BAIAP2L2: variants seen among roughly 807,000 people sequenced by gnomAD.
The protein encoded by BAIAP2L2 is BAR/IMD domain-containing adapter protein 2-like 2.
In BAIAP2L2, 65 loss-of-function variants were observed where a neutral mutation model predicts 60.4. The ratio of observed to expected loss-of-function variants is 1.08; its 90% CI spans 0.88 to 1.32. BAIAP2L2 has a LOEUF of 1.32. BAIAP2L2 is among the 40% of genes most tolerant of loss of function. BAIAP2L2 has a pLI of 0.00. For missense variants in BAIAP2L2, 836 were observed against 741.2 expected, an observed-to-expected ratio of 1.13 and a Z score of -1.48; for synonymous variants, 344 against 301.7, an observed-to-expected ratio of 1.14 and a Z score of -1.45.
At chr22:38,096,938 A>G in intron 7 of BAIAP2L2, 94 bp downstream of exon 7, 1 of 1,361,840 alleles carries the variant, frequency 7.3e-7, no homozygotes, top group Non-Finnish European at 1.0e-6. Flanking sequence ...CAGGGAGGGA[A>G]GAGGGAAGAA....
At chr22:38,108,006 C>T in intron 3 of BAIAP2L2, 93 bp from the exon 4 acceptor site, 1 of 1,368,360 alleles carries the variant, frequency 7.3e-7, no homozygotes, top group Non-Finnish European at 1.0e-6. Flanking sequence ...AGAGGGCCTG[C>T]CCGAGACTGG....
intron 4 of BAIAP2L2, among the ~76,000 whole-genome samples, chr22:38,103,825 T>C (rs1354982817): frequency 6.7e-6 from 1 of 148,660 alleles, no homozygotes; most frequent in African/African-American, 2.5e-5. Flanking sequence ...ATTGCATCAC[T>C]GTACTCCAGC....
chr22:38,089,688 G>A lies in BAIAP2L2; in HGVS notation c.613-14C>T. On this transcript the variant is annotated splice_polypyrimidine_tract_variant and intron_variant, in intron 7 of 13. Transcript: ENST00000381669. ...CATCCCCCGGGCCTGGCCGGGCGGG[G>A]ACACGGGGGTCAGCCAGGTCCGGGC... The A allele has an allele frequency of 2.4e-6, 3 of 1,229,566 alleles. No individual in the cohort carries two copies. The highest frequency in any genetic ancestry group is 4.1e-5 in the South Asian group (1 of 24,310). 76.2% of individuals were successfully genotyped at this position (1,229,566 alleles called of 1,614,324 possible). A position where few individuals can be genotyped will look rare whatever the true frequency, so the allele number is the denominator to read the frequency against.
chr22:38,089,087 G>A lies in BAIAP2L2; in HGVS notation c.901+9C>T, dbSNP rs2086195398. On this transcript the variant is annotated intron_variant, in intron 9 of 13. Coordinates refer to ENST00000381669, the MANE Select transcript of BAIAP2L2 (RefSeq NM_025045.6). ...GGCCCTCCTGCCGCCCCGGGGCGGG[G>A]GCACTCACAGGCCGACGGCGTGCGG... 1.4e-6 allele frequency: 2 copies of A among 1,379,502 alleles called. No individual in the cohort carries two copies. The highest frequency in any genetic ancestry group is 1.9e-6 in the Non-Finnish European group (2 of 1,072,730). The allele number at this position is 1,379,502 out of a possible 1,614,324, so 85.5% of individuals were successfully genotyped here. A position where few individuals can be genotyped will look rare whatever the true frequency, so the allele number is the denominator to read the frequency against.
intron 10 of BAIAP2L2, among the ~76,000 whole-genome samples, chr22:38,088,435 C>T (rs540908465): frequency 6.6e-6 from 1 of 152,344 alleles, no homozygotes; most frequent in South Asian, 2.1e-4. Flanking sequence ...CAGCCTCCTC[C>T]CAGAGGCAGG....
At chr22:38,097,747 G>A (rs2086471571) in intron 6 of BAIAP2L2, among the ~76,000 whole-genome samples, 2 of 151,984 alleles carry the variant, frequency 1.3e-5, no homozygotes, top group Non-Finnish European at 1.5e-5. Context: ...GACACCTTTG[G>A]CACCATGTTC....
At chr22:38,091,174 C>T (rs1232328016) in intron 7 of BAIAP2L2, 11 of 152,296 alleles carry the variant, frequency 7.2e-5, no homozygotes, top group Admixed American at 5.9e-4. Flanking sequence ...TATTCTGCCT[C>T]AGCTTCCCAA....
rs911461357 is a variant in BAIAP2L2, at chr22:38,086,468, G to A, written c.1260-19C>T. On this transcript the variant is annotated intron_variant, in intron 11 of 13. Transcript: ENST00000381669. ...GTAGGACCTAAGTCCAGAGAAAGGA[G>A]GGGGAAGGAAAGGGGTTGGGGCCTG... 14 of 1,478,652 alleles carry A rather than the reference G, an allele frequency of 9.5e-6. No homozygotes were observed. Among genetic ancestry groups the A allele is most frequent in the Middle Eastern group, 1.9e-4 (1 of 5,358 alleles). The allele number at this position is 1,478,652 out of a possible 1,614,324, so 91.6% of individuals were successfully genotyped here.
At chr22:38,109,304 C>A in intron 1 of BAIAP2L2, 96 bp from the exon 2 acceptor site, 2 of 967,392 alleles carry the variant, frequency 2.1e-6, no homozygotes, top group Non-Finnish European at 3.2e-6. Flanking sequence ...AGGGACAGGG[C>A]ACCCCCAGCC....
chr22:38,097,219 G>C, intron 6 of BAIAP2L2, 41 bp from the exon 7 acceptor site: 1 of 1,599,496 alleles, frequency 6.3e-7, no homozygotes, highest in Non-Finnish European at 8.5e-7. Flanking sequence ...CGGTGGGTGT[G>C]TCTCATCCCA....
At chr22:38,101,273 C>T (rs961268386) in intron 4 of BAIAP2L2, among the ~76,000 whole-genome samples, 1 of 149,252 alleles carries the variant, frequency 6.7e-6, no homozygotes, top group African/African-American at 2.5e-5. Flanking sequence ...TGGCTCACAC[C>T]TGTAATTCCA....
chr22:38,088,428 C>T (rs1367145194), intron 10 of BAIAP2L2, among the ~76,000 whole-genome samples: 1 of 152,238 alleles, frequency 6.6e-6, no homozygotes, highest in Non-Finnish European at 1.5e-5. Flanking sequence ...GGGGAAGCAG[C>T]CTCCTCCCAG....
At chr22:38,108,016 G>C in intron 3 of BAIAP2L2, 103 bp from the exon 4 acceptor site, 1 of 1,317,778 alleles carries the variant, frequency 7.6e-7, no homozygotes, top group Non-Finnish European at 1.1e-6. Context: ...CCCGAGACTG[G>C]ATTTTGGGAC....
Position 38,085,332 on chromosome 22 carries a change from T to C in BAIAP2L2, c.1558A>G (p.Thr520Ala). 1 of 1,613,876 alleles carries C rather than the reference T, an allele frequency of 6.2e-7. No homozygotes were observed. Among genetic ancestry groups the C allele is most frequent in the Non-Finnish European group, 8.5e-7 (1 of 1,179,944 alleles). Residue 520 changes from threonine (T) to alanine (A), a missense_variant, in exon 14 of 14, where the codon ACC becomes GCC. Coordinates refer to ENST00000381669, the MANE Select transcript of BAIAP2L2 (RefSeq NM_025045.6). ...FATVKLRPTI[T>A]NDRSAPLIR is the part of the protein sequence containing the mutation. ...ATGAGGGGTGCTGAGCGGTCATTGG[T>C]GATGGTGGGACGAAGCTTGACAGTG... is the stretch of plus-strand genomic sequence containing the variant.
intron 12 of BAIAP2L2, 87 bp from the exon 13 acceptor site, chr22:38,085,819 G>T: frequency 7.7e-7 from 1 of 1,299,580 alleles, no homozygotes; most frequent in Non-Finnish European, 1.1e-6. Context: ...CATGCCCAAG[G>T]GCAGAGGACT....
chr22:38,109,471 G>A (rs886185286), intron 1 of BAIAP2L2, among the ~76,000 whole-genome samples: 2 of 152,150 alleles, frequency 1.3e-5, no homozygotes, highest in East Asian at 1.9e-4. Context: ...CTGCTCTGGC[G>A]GGACCGAGGT....
chr22:38,103,352 G>A (rs201699558), intron 4 of BAIAP2L2, among the ~76,000 whole-genome samples: 2 of 152,136 alleles, frequency 1.3e-5, no homozygotes, highest in East Asian at 3.8e-4. Flanking sequence ...GCGTTGCACA[G>A]CCACCAAAAA....
In BAIAP2L2 at chr22:38,087,260, C is replaced by T. The variant is rs945581500; in HGVS notation, c.1123G>A (p.Gly375Ser). 1.2e-5 allele frequency: 19 copies of T among 1,604,492 alleles called. No individual in the cohort carries two copies. The highest frequency in any genetic ancestry group is 1.3e-5 in the Non-Finnish European group (15 of 1,175,948). ...YGKLEGSSAS[G>S]WFPEAYVKAL... Reference sequence around the variant, plus strand: ...TTCACGTACGCCTCGGGGAACCAACCGCTCCTGTGGGGTAGAGGCAGAGGA... The same window carrying T: ...TTCACGTACGCCTCGGGGAACCAACTGCTCCTGTGGGGTAGAGGCAGAGGA... The change falls in exon 11 of 14, where the codon GGT (glycine) becomes AGT (serine). Residue 375 changes from glycine to serine, a missense_variant. Gly to Ser is a moderately conservative substitution (Grantham distance 56). Coordinates refer to ENST00000381669, the MANE Select transcript of BAIAP2L2 (RefSeq NM_025045.6).
At chr22:38,106,220 T>C (rs959977010) in intron 4 of BAIAP2L2, among the ~76,000 whole-genome samples, 6 of 152,072 alleles carry the variant, frequency 3.9e-5, no homozygotes, top group Non-Finnish European at 8.8e-5. Flanking sequence ...CATTTACTAA[T>C]AGAAAGATTG....
Sources: gnomAD v4.1 joint callset for allele counts (sites outside exome capture counted in the v4.1 genomes callset) on GRCh38, gnomAD v4.1.1 for gene constraint, MANE v1.5 for transcripts, NCBI Gene and HGNC (gene_info 2026-07-23, HGNC 2026-07-21) for gene names.